FAF1: variants seen among roughly 807,000 people sequenced by gnomAD.
FAF1 encodes FAS-associated factor 1.
FAF1 carries 25 observed loss-of-function variants against 92.5 expected under a neutral mutation model. The ratio of observed to expected loss-of-function variants is 0.27; its 90% CI spans 0.20 to 0.38. The LOEUF (loss-of-function observed/expected upper bound fraction) is 0.38. Among genes scored for constraint, FAF1 ranks in the 10% least tolerant of loss-of-function variants. FAF1 has a pLI of 1.00. For missense variants in FAF1, 636 were observed against 793.3 expected (o/e 0.80, Z 2.38); for synonymous variants, 234 against 273.2 (o/e 0.86, Z 1.42).
chr1:50,493,031 C>T (rs1646857549), intron 15 of FAF1, among the ~76,000 whole-genome samples: 1 of 142,616 alleles, frequency 7.0e-6, no homozygotes, highest in Non-Finnish European at 1.5e-5. Flanking sequence ...AAGGATTAAA[C>T]TTCTTTTTTT....
intron 7 of FAF1, among the ~76,000 whole-genome samples, chr1:50,675,447 C>A (rs1656078715): frequency 6.6e-6 from 1 of 152,164 alleles, no homozygotes; most frequent in Non-Finnish European, 1.5e-5. Context: ...GGGACGATGG[C>A]AAATTAGAGA....
rs1336954135 is a variant in FAF1 at position 50,475,621 on chromosome 1, T to C, written c.1712A>G (p.Glu571Gly). ...LPPEPKEENA[E>G]PVSKLRIRTP... Reference sequence around the variant, plus strand: ...CCGGATCCGCAGTTTGCTCACAGGCTCAGCATTTTCTTCCTTTGGCTCAGG... The same window carrying C: ...CCGGATCCGCAGTTTGCTCACAGGCCCAGCATTTTCTTCCTTTGGCTCAGG... Residue 571 changes from glutamate (E) to glycine (G), a missense_variant, in exon 18 of 19, where the codon GAG becomes GGG. By Grantham distance (98) the Glu-to-Gly change is moderately conservative (BLOSUM62 -2). Coordinates refer to ENST00000396153, the MANE Select transcript of FAF1 (RefSeq NM_007051.3). The C allele has an allele frequency of 1.2e-6, 2 of 1,614,082 alleles. No homozygotes were observed. Among genetic ancestry groups the C allele is most frequent in the Non-Finnish European group, 8.5e-7 (1 of 1,180,004 alleles).
At chr1:50,884,611 C>T (rs1024326991) in intron 1 of FAF1, among the ~76,000 whole-genome samples, 6 of 152,030 alleles carry the variant, frequency 3.9e-5, no homozygotes, top group Admixed American at 1.3e-4. Flanking sequence ...GACACATCCC[C>T]CTTGGTCATG....
intron 2 of FAF1, among the ~76,000 whole-genome samples, chr1:50,817,542 A>C (rs1387056129): frequency 6.6e-6 from 1 of 152,326 alleles, no homozygotes; most frequent in African/African-American, 2.4e-5. Flanking sequence ...TTAAAAGATG[A>C]AAAGAGTTAG....
At chr1:50,594,380 T>C (rs1052602847) in intron 9 of FAF1, among the ~76,000 whole-genome samples, 5 of 152,008 alleles carry the variant, frequency 3.3e-5, no homozygotes, top group African/African-American at 9.7e-5. Context: ...ATGACCTCCA[T>C]TGTATACACT....
intron 4 of FAF1, among the ~76,000 whole-genome samples, chr1:50,768,186 A>T (rs927634198): frequency 1.6e-4 from 25 of 152,300 alleles, no homozygotes; most frequent in African/African-American, 6.0e-4. Context: ...CAAAAAGATT[A>T]AAAAAAGATA....
At chr1:50,587,514 CT>C (rs1408632728) in intron 9 of FAF1, among the ~76,000 whole-genome samples, 6 of 152,008 alleles carry the variant, frequency 3.9e-5, no homozygotes, top group African/African-American at 1.2e-4. Flanking sequence ...ATAAGATAAA[CT>C]TTTTTTCATT....
chr1:50,604,955 CT>C (rs963791429), intron 8 of FAF1, among the ~76,000 whole-genome samples: 2 of 152,102 alleles, frequency 1.3e-5, no homozygotes, highest in African/African-American at 4.8e-5. Flanking sequence ...TCCTGACTTA[CT>C]TTTTTGGTTT....
intron 15 of FAF1, among the ~76,000 whole-genome samples, chr1:50,512,315 A>G (rs939193197): frequency 1.4e-4 from 21 of 152,180 alleles, no homozygotes; most frequent in African/African-American, 3.6e-4. Context: ...GTCTTTGCCC[A>G]TGCCTATGTC....
At chr1:50,840,330 A>G (rs72904709) in intron 2 of FAF1, among the ~76,000 whole-genome samples, 10,093 of 151,920 alleles carry the variant, frequency 0.066, 412 homozygotes, top group East Asian at 0.094. Flanking sequence ...CCACATACCA[A>G]AAATGTGTTT....
chr1:50,487,456 C>T (rs757266765), intron 17 of FAF1, among the ~76,000 whole-genome samples: 26 of 152,000 alleles, frequency 1.7e-4, no homozygotes, highest in Non-Finnish European at 3.5e-4. Context: ...TTTCTTAATC[C>T]CTTTGAATTG....
chr1:50,491,046 T>C (rs1264243475), intron 16 of FAF1, among the ~76,000 whole-genome samples: 3 of 152,208 alleles, frequency 2.0e-5, no homozygotes, highest in African/African-American at 7.2e-5. Context: ...TTCTGGACCC[T>C]TGATGCTAGC....
chr1:50,609,916 C>T (rs1028758717), intron 8 of FAF1, among the ~76,000 whole-genome samples: 27 of 152,144 alleles, frequency 1.8e-4, no homozygotes, highest in African/African-American at 6.5e-4. Context: ...TCCCCCACAC[C>T]CCCACAGTTA....
chr1:50,565,475 T>C (rs1650132764), intron 13 of FAF1, among the ~76,000 whole-genome samples: 1 of 152,088 alleles, frequency 6.6e-6, no homozygotes, highest in African/African-American at 2.4e-5. Context: ...CATAAGGAGT[T>C]AATAGGACAC....
intron 3 of FAF1, among the ~76,000 whole-genome samples, chr1:50,795,010 T>C (rs1661694726): frequency 6.6e-6 from 1 of 152,208 alleles, no homozygotes; most frequent in Non-Finnish European, 1.5e-5. Context: ...ATAACATAGA[T>C]AAGAAGACAT....
chr1:50,552,049 C>A (rs1263259438), intron 13 of FAF1, among the ~76,000 whole-genome samples: 1 of 152,110 alleles, frequency 6.6e-6, no homozygotes. Flanking sequence ...AATCCCAGCA[C>A]TTTGAGTTGC....
chr1:50,878,083 C>G (rs1644584946), intron 1 of FAF1, among the ~76,000 whole-genome samples: 1 of 152,228 alleles, frequency 6.6e-6, no homozygotes, highest in South Asian at 2.1e-4. Context: ...TATAACATTT[C>G]TCTTTTTAAT....
chr1:50,674,348 C>T (rs576702507), intron 7 of FAF1, among the ~76,000 whole-genome samples: 2 of 151,946 alleles, frequency 1.3e-5, no homozygotes, highest in East Asian at 1.9e-4. Context: ...CCTCCCCTCA[C>T]TCCTTGCCAA....
chr1:50,872,021 C>T (rs1279064112), intron 1 of FAF1, among the ~76,000 whole-genome samples: 15 of 147,462 alleles, frequency 1.0e-4, no homozygotes, highest in Admixed American at 2.7e-4. Flanking sequence ...GCCGAGATTG[C>T]GCCACTGCAC....
Sources: gnomAD v4.1 joint callset for allele counts (sites outside exome capture counted in the v4.1 genomes callset) on GRCh38, gnomAD v4.1.1 for gene constraint, MANE v1.5 for transcripts, NCBI Gene and HGNC (gene_info 2026-07-23, HGNC 2026-07-21) for gene names.